The following ASIC2 variants were observed in gnomAD, a reference collection of about 807,000 sequenced individuals.
ASIC2 encodes acid sensing ion channel subunit 2.
A neutral mutation model predicts 57.3 loss-of-function variants in ASIC2; 25 were observed. The observed-to-expected ratio is 0.44, with a 90% CI of 0.32 to 0.61. The LOEUF (loss-of-function observed/expected upper bound fraction) is 0.61, where lower values mean the gene tolerates loss of function less well. Among genes scored for constraint, ASIC2 ranks in the 20% least tolerant of loss-of-function variants. The probability of loss-of-function intolerance (pLI) is 0.06; values close to 1 mark genes in which losing one functional copy is unlikely to be tolerated. For synonymous variants in ASIC2, 319 were observed against 307.5 expected, an observed-to-expected ratio of 1.04 and a Z score of -0.39; for missense variants, 641 against 738.1, an observed-to-expected ratio of 0.87 and a Z score of 1.52.
At chr17:33,878,008 G>T (rs1914596288) in intron 1 of ASIC2, among the ~76,000 whole-genome samples, 1 of 152,188 alleles carries the variant, frequency 6.6e-6, no homozygotes. Context: ...GGTCTGGAGT[G>T]GACCTCCAGC....
chr17:33,619,025 A>C (rs1282517722), intron 1 of ASIC2, among the ~76,000 whole-genome samples: 1 of 152,188 alleles, frequency 6.6e-6, no homozygotes, highest in Admixed American at 6.5e-5. Flanking sequence ...ATCTCATTAC[A>C]CTGTGTAACT....
intron 1 of ASIC2, among the ~76,000 whole-genome samples, chr17:33,570,137 G>T (rs1916384485): frequency 6.6e-6 from 1 of 152,118 alleles, no homozygotes; most frequent in Non-Finnish European, 1.5e-5. Flanking sequence ...CCCCTTCTCT[G>T]AACTACTAAA....
chr17:33,558,598 C>T (rs1915979219), intron 1 of ASIC2, among the ~76,000 whole-genome samples: 1 of 152,182 alleles, frequency 6.6e-6, no homozygotes, highest in African/African-American at 2.4e-5. Flanking sequence ...GATCAGCAAA[C>T]TTTCTCTTGA....
chr17:33,355,574 G>A (rs1338260273), intron 1 of ASIC2, among the ~76,000 whole-genome samples: 1 of 152,130 alleles, frequency 6.6e-6, no homozygotes, highest in African/African-American at 2.4e-5. Flanking sequence ...TAAATGCACA[G>A]CTTTTAAGAT....
intron 1 of ASIC2, among the ~76,000 whole-genome samples, chr17:33,616,901 G>A (rs2142018785): frequency 6.6e-6 from 1 of 152,328 alleles, no homozygotes; most frequent in South Asian, 2.1e-4. Flanking sequence ...ATTGAAATAT[G>A]TACTAGCTTT....
intron 1 of ASIC2, among the ~76,000 whole-genome samples, chr17:33,932,261 T>A (rs1440384271): frequency 6.6e-6 from 1 of 152,188 alleles, no homozygotes; most frequent in East Asian, 1.9e-4. Context: ...TCCTGAAACA[T>A]GGCTGGTCTA....
chr17:33,579,417 A>G (rs900317852), intron 1 of ASIC2, among the ~76,000 whole-genome samples: 1 of 152,078 alleles, frequency 6.6e-6, no homozygotes, highest in Non-Finnish European at 1.5e-5. Context: ...AAGGTAGAAA[A>G]CAAGGAGATA....
chr17:33,215,602 C>T (rs1158500728), intron 1 of ASIC2, among the ~76,000 whole-genome samples: 1 of 151,996 alleles, frequency 6.6e-6, no homozygotes, highest in Non-Finnish European at 1.5e-5. Context: ...GAGAAAAAAG[C>T]CTGAAAGAAA....
intron 1 of ASIC2, among the ~76,000 whole-genome samples, chr17:33,950,660 G>T (rs1904529700): frequency 6.6e-6 from 1 of 152,192 alleles, no homozygotes; most frequent in Non-Finnish European, 1.5e-5. Flanking sequence ...GGAGGCTGAA[G>T]TTCAGAGAGG....
chr17:33,294,046 T>G (rs1407065547), upstream of ASIC2, among the ~76,000 whole-genome samples: 1 of 152,064 alleles, frequency 6.6e-6, no homozygotes, highest in Non-Finnish European at 1.5e-5. Flanking sequence ...TCCCAGCCCC[T>G]TCCCTGGAAG....
intron 1 of ASIC2, among the ~76,000 whole-genome samples, chr17:34,012,090 G>A (rs796816459): frequency 6.6e-6 from 1 of 152,070 alleles, no homozygotes; most frequent in Non-Finnish European, 1.5e-5. Flanking sequence ...CACCATCCCT[G>A]CCTGACACCA....
At chr17:33,364,883 C>T (rs12453775) in intron 1 of ASIC2, among the ~76,000 whole-genome samples, 25,208 of 152,068 alleles carry the variant, frequency 0.17, 2,896 homozygotes, top group East Asian at 0.49. Flanking sequence ...GCACAGCCCT[C>T]CTAATAAGTT....
intron 1 of ASIC2, among the ~76,000 whole-genome samples, chr17:33,995,181 G>T (rs1243979984): frequency 6.6e-6 from 1 of 152,178 alleles, no homozygotes; most frequent in East Asian, 1.9e-4. Flanking sequence ...GTGAAGCATG[G>T]CAGGGAGATT....
chr17:33,544,606 T>C (rs1915521685), intron 1 of ASIC2, among the ~76,000 whole-genome samples: 1 of 152,212 alleles, frequency 6.6e-6, no homozygotes, highest in African/African-American at 2.4e-5. Context: ...ATGCTACATT[T>C]CGTTGACTCT....
At chr17:33,965,646 A>G (rs1905054470) in intron 1 of ASIC2, among the ~76,000 whole-genome samples, 2 of 152,192 alleles carry the variant, frequency 1.3e-5, no homozygotes, top group African/African-American at 4.8e-5. Context: ...TCCATTTTAA[A>G]GAGGAGGAAA....
chr17:33,696,563 C>T (rs1443855747), intron 1 of ASIC2, among the ~76,000 whole-genome samples: 1 of 152,108 alleles, frequency 6.6e-6, no homozygotes, highest in Admixed American at 6.5e-5. Context: ...AAGAAGGCCC[C>T]CATGGGTGGG....
Position 34,115,859 on chromosome 17 carries a change from A to T in ASIC2, c.555+40119T>A, listed in dbSNP as rs568565005. Among the ~76,000 whole-genome samples, 3 of 152,364 alleles carry T rather than the reference A, an allele frequency of 2.0e-5. No individual in the cohort carries two copies. In the South Asian group the frequency reaches 6.2e-4, roughly 32 times the overall value. On this transcript the variant is annotated intron_variant, in intron 1 of 9. Transcript: ENST00000359872. ...TTTATCCAATAGCGCAAGAGTACATATAACTACATAAGTGAAAATGTGTTC... is the reference window on the plus strand; with the variant it reads ...TTTATCCAATAGCGCAAGAGTACATTTAACTACATAAGTGAAAATGTGTTC...
chr17:33,233,319 A>G (rs1027478141), intron 1 of ASIC2, among the ~76,000 whole-genome samples: 4 of 151,674 alleles, frequency 2.6e-5, no homozygotes, highest in African/African-American at 2.4e-5. Flanking sequence ...CAACCCCCAC[A>G]CTGCCTGGCT....
chr17:33,884,960 GAACATCCTCAA>G (rs1409423806), intron 1 of ASIC2, among the ~76,000 whole-genome samples: 2 of 152,226 alleles, frequency 1.3e-5, no homozygotes, highest in African/African-American at 4.8e-5. Context: ...ACTGCAGTGA[GAACATCCTCAA>G]AGATTTTATA....
Sources: allele counts gnomAD v4.1 joint callset (sites outside exome capture counted in the v4.1 genomes callset), GRCh38; gene constraint gnomAD v4.1.1; transcripts MANE v1.5; gene names NCBI Gene and HGNC (gene_info 2026-07-23, HGNC 2026-07-21).